FRMPD2: variants seen among roughly 807,000 people sequenced by gnomAD.
FRMPD2 encodes FERM and PDZ domain-containing protein 2.
Under a neutral mutation model 140.1 loss-of-function variants are expected in FRMPD2, and 96 were observed. The observed-to-expected ratio is 0.69, with a 90% CI of 0.58 to 0.81. The LOEUF is 0.81. Among genes scored for constraint, FRMPD2 ranks in the 40% least tolerant of loss-of-function variants. The pLI is 0.00. For missense variants in FRMPD2, 1,240 were observed against 1,447.4 expected, an observed-to-expected ratio of 0.86 and a Z score of 2.32; for synonymous variants, 449 against 547.6, an observed-to-expected ratio of 0.82 and a Z score of 2.52.
chr10:48,203,748 C>T (rs927524819), intron 14 of FRMPD2, among the ~76,000 whole-genome samples: 2 of 152,122 alleles, frequency 1.3e-5, no homozygotes, highest in African/African-American at 4.8e-5. Flanking sequence ...AGCTCCAGGG[C>T]CCTAACTTCC....
In FRMPD2 at chr10:48,185,579, A is replaced by G. The variant is rs748895286; in HGVS notation, c.2333T>C (p.Leu778Pro). ...EPGREIVRVT[L>P]KRDPHRGFGF... ...AAAACCACGATGTGGGTCACGTTTC[A>G]GTGTCACACGTACAATTTCTCGGCC... The change falls in exon 18 of 29, where the codon CTG becomes CCG. Residue 778 changes from leucine to proline, a missense_variant. Leu to Pro is a moderately conservative substitution (Grantham distance 98, BLOSUM62 -3). Transcript: ENST00000374201. 6.2e-7 allele frequency: 1 copy of G among 1,613,960 alleles called. No homozygotes were observed. Among genetic ancestry groups the G allele is most frequent in the Non-Finnish European group, 8.5e-7 (1 of 1,179,840 alleles).
chr10:48,235,178 C>G (rs978017973), intron 9 of FRMPD2, among the ~76,000 whole-genome samples: 1 of 152,228 alleles, frequency 6.6e-6, no homozygotes, highest in Non-Finnish European at 1.5e-5. Context: ...CCCTCACACA[C>G]CAGCCTCCTT....
intron 28 of FRMPD2, among the ~76,000 whole-genome samples, chr10:48,160,839 G>A (rs1837917384): frequency 6.7e-6 from 1 of 149,064 alleles, no homozygotes; most frequent in South Asian, 2.1e-4. Context: ...ACTGTGTCCA[G>A]GGGTCGCTGG....
intron 27 of FRMPD2, among the ~76,000 whole-genome samples, chr10:48,164,276 G>T (rs1165657092): frequency 2.0e-5 from 3 of 151,298 alleles, no homozygotes; most frequent in Middle Eastern, 3.4e-3. Context: ...TCTGATTCTG[G>T]CTGTCTCCAC....
chr10:48,212,346 T>C (rs1439154522), intron 12 of FRMPD2, among the ~76,000 whole-genome samples: 1 of 152,056 alleles, frequency 6.6e-6, no homozygotes, highest in Non-Finnish European at 1.5e-5. Flanking sequence ...TTATGCCAGG[T>C]AGTTCACAGA....
intron 1 of FRMPD2, among the ~76,000 whole-genome samples, chr10:48,273,697 A>G (rs761480534): frequency 1.3e-5 from 2 of 152,152 alleles, no homozygotes; most frequent in Non-Finnish European, 2.9e-5. Context: ...CCACTGTCCT[A>G]CAACCTGGAA....
chr10:48,211,804 T>C lies in FRMPD2; in HGVS notation c.1611+150A>G, dbSNP rs180858993. On this transcript the variant is annotated intron_variant, in intron 13 of 28. Coordinates refer to ENST00000374201, the MANE Select transcript of FRMPD2 (RefSeq NM_001018071.4). ...GCCAGCTGCTTCCAGAAGCCTCTCC[T>C]TGCCCCTCCCTGCCTCCTAGAGTTC... The C allele has an allele frequency of 5.7e-4, 346 of 608,090 alleles. 1 individual carries two copies. In the East Asian group the frequency reaches 9.0e-3, roughly 16 times the overall value. The allele number at this position is 608,090 out of a possible 1,614,324, so 37.7% of individuals were successfully genotyped here.
chr10:48,211,377 G>A (rs1353086471), intron 13 of FRMPD2, among the ~76,000 whole-genome samples: 4 of 152,246 alleles, frequency 2.6e-5, no homozygotes, highest in Non-Finnish European at 5.9e-5. Flanking sequence ...CAAACTTAGG[G>A]TCTTGTGATG....
chr10:48,207,021 T>G (rs1839216705), intron 13 of FRMPD2, 88 bp from the exon 14 acceptor site: 1 of 1,117,764 alleles, frequency 8.9e-7, no homozygotes, highest in Admixed American at 2.7e-5. Context: ...CAAAACACAC[T>G]GATAGGCGTT....
At chr10:48,197,995 G>A (rs370410156) in intron 15 of FRMPD2, among the ~76,000 whole-genome samples, 1 of 152,180 alleles carries the variant, frequency 6.6e-6, no homozygotes, top group Non-Finnish European at 1.5e-5. Flanking sequence ...TGAACATAAG[G>A]GAGGTAATTA....
chr10:48,170,345 A>C (rs1158042118), intron 26 of FRMPD2, among the ~76,000 whole-genome samples: 2 of 152,124 alleles, frequency 1.3e-5, no homozygotes, highest in East Asian at 3.9e-4. Flanking sequence ...CATGCCAGCG[A>C]GTCCCCTCCA....
intron 12 of FRMPD2, among the ~76,000 whole-genome samples, chr10:48,212,429 C>G (rs1839349431): frequency 6.6e-6 from 1 of 152,100 alleles, no homozygotes; most frequent in African/African-American, 2.4e-5. Flanking sequence ...ACAAGACAAG[C>G]AAGGAGAGAG....
In FRMPD2 at chr10:48,177,152, G is replaced by A. The variant is rs1451910557; in HGVS notation, c.2895+895C>T. 13 of 147,914 alleles carry A rather than the reference G, an allele frequency of 8.8e-5. No individual in the cohort carries two copies. The East Asian group carries it at 2.6e-3, about 29-fold the overall frequency. 9.2% of individuals were successfully genotyped at this position (147,914 alleles called of 1,614,324 possible). ...AGACAGAGTCTCACTCTGTCGCCCAGGCTGGAGTGCAGTGTTGTGATCTCG... is the reference window on the plus strand; with the variant it reads ...AGACAGAGTCTCACTCTGTCGCCCAAGCTGGAGTGCAGTGTTGTGATCTCG... On this transcript the variant is annotated intron_variant, in intron 22 of 28. Transcript: ENST00000374201.
intron 12 of FRMPD2, among the ~76,000 whole-genome samples, chr10:48,215,536 G>A (rs944485881): frequency 1.3e-5 from 2 of 152,216 alleles, no homozygotes; most frequent in African/African-American, 4.8e-5. Context: ...GCCAAGCCCA[G>A]AGCAGGCCTC....
chr10:48,256,278 G>A (rs754543337), intron 1 of FRMPD2, among the ~76,000 whole-genome samples: 2 of 142,268 alleles, frequency 1.4e-5, no homozygotes, highest in Non-Finnish European at 3.1e-5. Context: ...GTCAATCCCC[G>A]AGTGTCAGCT....
chr10:48,204,296 GT>G (rs944142573), intron 14 of FRMPD2, among the ~76,000 whole-genome samples: 38 of 151,280 alleles, frequency 2.5e-4, no homozygotes, highest in Non-Finnish European at 3.0e-4. Flanking sequence ...CACATGACAC[GT>G]TTTTTTTTAT....
chr10:48,255,262 C>A (rs1461833045), intron 1 of FRMPD2, among the ~76,000 whole-genome samples: 1 of 152,196 alleles, frequency 6.6e-6, no homozygotes, highest in African/African-American at 2.4e-5. Flanking sequence ...TCTTTGGGCC[C>A]TTTCCAATGA....
chr10:48,270,647 A>G (rs1287480256), intron 1 of FRMPD2, among the ~76,000 whole-genome samples: 1 of 151,982 alleles, frequency 6.6e-6, no homozygotes, highest in Non-Finnish European at 1.5e-5. Context: ...TGGTGATCCC[A>G]GGATGTCCTT....
chr10:48,189,167 C>T (rs1321390768), intron 16 of FRMPD2, among the ~76,000 whole-genome samples: 5 of 152,180 alleles, frequency 3.3e-5, no homozygotes, highest in Admixed American at 6.5e-5. Context: ...CCCTGCCAGC[C>T]TCAGAGCCAA....
Sources: allele counts gnomAD v4.1 joint callset (sites outside exome capture counted in the v4.1 genomes callset), GRCh38; gene constraint gnomAD v4.1.1; transcripts MANE v1.5; gene names NCBI Gene and HGNC (gene_info 2026-07-23, HGNC 2026-07-21).